Variants in TMEM135 observed in about 807,000 individuals in gnomAD.
TMEM135 encodes peroxisomal membrane protein 52.
In TMEM135, 30 loss-of-function variants were observed where a neutral mutation model predicts 60.3. The ratio of observed to expected loss-of-function variants is 0.50; its 90% CI spans 0.37 to 0.68. The LOEUF is 0.68. TMEM135 is among the 30% of genes least tolerant of loss of function. TMEM135 has a pLI of 0.00. For synonymous variants in TMEM135, 190 were observed against 186.7 expected (o/e 1.02, Z -0.14); for missense variants, 468 against 548.8 (o/e 0.85, Z 1.47).
chr11:87,285,513 C>T (rs1330687672), intron 6 of TMEM135, among the ~76,000 whole-genome samples: 1 of 152,088 alleles, frequency 6.6e-6, no homozygotes, highest in Non-Finnish European at 1.5e-5. Context: ...GTAAGTGTTA[C>T]AGCTCTTAAG....
At chr11:87,222,915 C>T (rs1940674222) in intron 5 of TMEM135, among the ~76,000 whole-genome samples, 1 of 152,116 alleles carries the variant, frequency 6.6e-6, no homozygotes, top group Non-Finnish European at 1.5e-5. Context: ...AAACTCTATT[C>T]AACATCGTTA....
intron 4 of TMEM135, among the ~76,000 whole-genome samples, chr11:87,126,746 A>C (rs1369086812): frequency 6.6e-6 from 1 of 152,134 alleles, no homozygotes; most frequent in Admixed American, 6.5e-5. Context: ...ATGCTATAGA[A>C]ATACTAGAAG....
chr11:87,061,747 A>G (rs1949948837), intron 1 of TMEM135, among the ~76,000 whole-genome samples: 1 of 152,212 alleles, frequency 6.6e-6, no homozygotes, highest in East Asian at 1.9e-4. Flanking sequence ...AATGTGCAGC[A>G]CTAATCACAT....
intron 6 of TMEM135, among the ~76,000 whole-genome samples, chr11:87,262,461 C>G (rs1941671308): frequency 2.0e-5 from 3 of 152,148 alleles, no homozygotes; most frequent in South Asian, 2.1e-4. Context: ...CTCATTTTTG[C>G]TGTACTTTGA....
At chr11:87,051,016 C>A (rs1216316983) in intron 1 of TMEM135, among the ~76,000 whole-genome samples, 1 of 93,902 alleles carries the variant, frequency 1.1e-5, no homozygotes, top group Non-Finnish European at 1.9e-5. Flanking sequence ...TCAATATACA[C>A]AAATCAATAA....
In TMEM135 at chr11:87,323,728, C is replaced by G. The variant is rs145528412; in HGVS notation, c.*2395C>G. 17 of 453,694 alleles carry G rather than the reference C, an allele frequency of 3.7e-5. No individual in the cohort carries two copies. The highest frequency in any genetic ancestry group is 2.8e-4 in the African/African-American group (14 of 50,102). 28.1% of individuals were successfully genotyped at this position (453,694 alleles called of 1,614,324 possible). Reference sequence around the variant, plus strand: ...TTTAATAAAATCCTAGAACTAGTAGCAACCGAGTAAAGATTGAGTTTGCAA... The same window carrying G: ...TTTAATAAAATCCTAGAACTAGTAGGAACCGAGTAAAGATTGAGTTTGCAA... On this transcript the variant is annotated 3_prime_UTR_variant, in exon 15 of 15. Transcript: ENST00000305494.
Position 87,056,050 on chromosome 11 carries a change from A to G in TMEM135, c.142-11644A>G, listed in dbSNP as rs151182380. On this transcript the variant is annotated intron_variant, in intron 1 of 14. Coordinates refer to ENST00000305494, the MANE Select transcript of TMEM135 (RefSeq NM_022918.4). ...TCCACCCTAGGTACAATGCTTGTAT[A>G]TAGGGGGAGGTGTGCTCTGCTACAA... 6.0e-3 allele frequency among the ~76,000 whole-genome samples: 918 copies of G among 152,282 alleles called. 2 individuals are homozygous for G. Among genetic ancestry groups the G allele is most frequent in the Admixed American group, 0.011 (163 of 15,280 alleles).
chr11:87,113,145 T>A (rs1486218511), intron 4 of TMEM135, among the ~76,000 whole-genome samples: 2 of 152,096 alleles, frequency 1.3e-5, no homozygotes, highest in Non-Finnish European at 1.5e-5. Context: ...AAATAGAAGA[T>A]GAAAAGTCAT....
chr11:87,223,696 C>CACACAT (rs1326714722), intron 5 of TMEM135, among the ~76,000 whole-genome samples: 39 of 149,408 alleles, frequency 2.6e-4, no homozygotes, highest in African/African-American at 8.9e-4. Flanking sequence ...CACACACACA[C>CACACAT]AAAATTAGCT....
chr11:87,138,678 T>C (rs1039442947), intron 4 of TMEM135, among the ~76,000 whole-genome samples: 1 of 152,220 alleles, frequency 6.6e-6, no homozygotes, highest in African/African-American at 2.4e-5. Context: ...AATAATTAGT[T>C]ACTATATAGT....
intron 5 of TMEM135, among the ~76,000 whole-genome samples, chr11:87,170,584 C>T (rs1270389441): frequency 6.6e-6 from 1 of 152,116 alleles, no homozygotes; most frequent in East Asian, 1.9e-4. Context: ...GAAGTCTACT[C>T]CAGACCCTGT....
chr11:87,319,409 T>TTCCATTTTGGAAATAGTC lies in TMEM135; in HGVS notation c.1244+32_1244+33insTCCATTTTGGAAATAGTC. 3.4e-6 allele frequency: 5 copies of TTCCATTTTGGAAATAGTC among 1,480,236 alleles called. No homozygotes were observed. In the African/African-American group the frequency reaches 6.9e-5, roughly 21 times the overall value. 91.7% of individuals were successfully genotyped at this position (1,480,236 alleles called of 1,614,324 possible). On this transcript the variant is annotated intron_variant, in intron 14 of 14. Transcript: ENST00000305494. ...GACTACGTAGTTTTCTTAAAAATAT[T>TTCCATTTTGGAAATAGTC]ATGAGTGGTTTTATCTTTTTGAGGG...
intron 4 of TMEM135, among the ~76,000 whole-genome samples, chr11:87,092,196 A>G (rs1486107653): frequency 1.3e-5 from 2 of 152,182 alleles, no homozygotes; most frequent in African/African-American, 4.8e-5. Flanking sequence ...ATGCTGGTAA[A>G]CAAGAGATAG....
chr11:87,092,033 A>T (rs1448956563), intron 4 of TMEM135, among the ~76,000 whole-genome samples: 1 of 152,186 alleles, frequency 6.6e-6, no homozygotes, highest in Non-Finnish European at 1.5e-5. Flanking sequence ...ACATTAAAAA[A>T]TTTAACTAGG....
At chr11:87,063,310 A>T (rs1357958282) in intron 1 of TMEM135, among the ~76,000 whole-genome samples, 1 of 152,202 alleles carries the variant, frequency 6.6e-6, no homozygotes, top group African/African-American at 2.4e-5. Context: ...TAGTGGTATG[A>T]TGTGCCTTTT....
chr11:87,309,758 T>G, intron 10 of TMEM135, 86 bp downstream of exon 10: 1 of 1,395,102 alleles, frequency 7.2e-7, no homozygotes, highest in Non-Finnish European at 1.0e-6. Flanking sequence ...TTCACTTATT[T>G]TTTAATGCTT....
intron 5 of TMEM135, among the ~76,000 whole-genome samples, chr11:87,170,088 T>C (rs1358466449): frequency 6.6e-6 from 1 of 152,116 alleles, no homozygotes; most frequent in South Asian, 2.1e-4. Context: ...GCTATTGATA[T>C]GTGTTTATGC....
Position 87,284,359 on chromosome 11 carries a change from G to T in TMEM135, c.510-11423G>T, listed in dbSNP as rs570609144. Among the ~76,000 whole-genome samples, 4 of 152,242 alleles carry T rather than the reference G, an allele frequency of 2.6e-5. No homozygotes were observed. The South Asian group carries it at 8.3e-4, about 32-fold the overall frequency. ...ATTCTTGGTTTCTTAGCAATTTAAGGCTGCTTTGGAACATGACCTTCCTAG... is the reference window on the plus strand; with the variant it reads ...ATTCTTGGTTTCTTAGCAATTTAAGTCTGCTTTGGAACATGACCTTCCTAG... On this transcript the variant is annotated intron_variant, in intron 6 of 14. Transcript: ENST00000305494.
intron 4 of TMEM135, among the ~76,000 whole-genome samples, chr11:87,130,931 TTTC>T (rs1203813392): frequency 6.6e-6 from 1 of 150,844 alleles, no homozygotes; most frequent in Non-Finnish European, 1.5e-5. Flanking sequence ...TAGTTACAGT[TTTC>T]TTTTTTTTTT....
Sources: gnomAD v4.1 joint callset for allele counts (sites outside exome capture counted in the v4.1 genomes callset) on GRCh38, gnomAD v4.1.1 for gene constraint, MANE v1.5 for transcripts, NCBI Gene and HGNC (gene_info 2026-07-23, HGNC 2026-07-21) for gene names.